The following ZNF324B variants were observed in gnomAD, a reference collection of about 807,000 sequenced individuals.
ZNF324B encodes the protein zinc finger protein 324B.
ZNF324B carries 7 observed loss-of-function variants against 10.6 expected under a neutral mutation model. The ratio of observed to expected loss-of-function variants is 0.66; its 90% CI spans 0.38 to 1.24. ZNF324B has a LOEUF of 1.24. Among genes scored for constraint, ZNF324B ranks in the 50% most tolerant of loss-of-function variants. The pLI is 0.02. For synonymous variants in ZNF324B, 316 were observed against 321.0 expected, an observed-to-expected ratio of 0.98 and a Z score of 0.17; for missense variants, 640 against 764.7, an observed-to-expected ratio of 0.84 and a Z score of 1.92.
At chr19:58,437,132 T>A in the ZNF324B span, 1 of 1,614,144 alleles carries the variant, frequency 6.2e-7, no homozygotes, top group African/African-American at 1.3e-5. Flanking sequence ...CCCACTCCTC[T>A]TGGGAGAAGT....
chr19:58,427,448 CT>C, the ZNF324B span, among the ~76,000 whole-genome samples: 282 of 64,198 alleles, frequency 4.4e-3, 7 homozygotes, highest in African/African-American at 9.9e-3. Context: ...CCTTCCTTTC[CT>C]TTCCCTTCCT....
upstream of ZNF324B, among the ~76,000 whole-genome samples, chr19:58,448,271 T>C (rs1221997846): frequency 6.6e-6 from 1 of 152,178 alleles, no homozygotes; most frequent in Non-Finnish European, 1.5e-5. Flanking sequence ...ATGCTGATAA[T>C]GATATGGGCA....
chr19:58,430,699 A>G, the ZNF324B span: 1 of 152,184 alleles, frequency 6.6e-6, no homozygotes, highest in African/African-American at 2.4e-5. Flanking sequence ...TTTTTTGGTT[A>G]TAGATAAGAA....
chr19:58,433,377 C>T, the ZNF324B span: 2 of 1,614,186 alleles, frequency 1.2e-6, no homozygotes, highest in South Asian at 1.1e-5. Context: ...TGAAGAGTTT[C>T]CCACACTGGC....
the ZNF324B span, among the ~76,000 whole-genome samples, chr19:58,446,284 C>T: frequency 2.0e-4 from 30 of 152,142 alleles, no homozygotes; most frequent in Admixed American, 4.6e-4. Flanking sequence ...GTACCATGAT[C>T]GCCCTGCATG....
At chr19:58,442,247 C>T in the ZNF324B span, 1 of 145,928 alleles carries the variant, frequency 6.9e-6, no homozygotes, top group African/African-American at 2.7e-5. Flanking sequence ...CGGCTCACTG[C>T]AAGCTCCGCT....
the ZNF324B span, chr19:58,435,441 G>T: frequency 2.0e-6 from 1 of 493,056 alleles, no homozygotes; most frequent in Non-Finnish European, 3.6e-6. Flanking sequence ...ACAGAAATGG[G>T]TCAAAGGACT....
chr19:58,421,658 C>T, the ZNF324B span, among the ~76,000 whole-genome samples: 8 of 152,030 alleles, frequency 5.3e-5, no homozygotes, highest in East Asian at 1.9e-4. Context: ...TGATTACAGG[C>T]GTGAGCCACC....
the ZNF324B span, among the ~76,000 whole-genome samples, chr19:58,425,117 G>A: frequency 4.6e-5 from 7 of 152,084 alleles, 1 homozygote; most frequent in Admixed American, 2.0e-4. Context: ...TCAGCCAGGC[G>A]TGGCGGTGCA....
chr19:58,424,433 T>C, the ZNF324B span, among the ~76,000 whole-genome samples: 1 of 152,308 alleles, frequency 6.6e-6, no homozygotes, highest in East Asian at 1.9e-4. Flanking sequence ...TCTGAACAAA[T>C]ATGCTTTGAA....
the ZNF324B span, chr19:58,429,700 G>A: frequency 6.6e-6 from 1 of 152,188 alleles, no homozygotes; most frequent in African/African-American, 2.4e-5. Flanking sequence ...GAAGACACCA[G>A]CTCAGATCTT....
At chr19:58,435,003 A>C in the ZNF324B span, 2 of 1,613,992 alleles carry the variant, frequency 1.2e-6, no homozygotes, top group South Asian at 2.2e-5. Flanking sequence ...AGTCTCTCCC[A>C]CATGCTCCAC....
intron 2 of ZNF324B, 103 bp from the exon 3 acceptor site, chr19:58,454,125 G>A (rs1449778115): frequency 3.8e-6 from 3 of 789,188 alleles, no homozygotes; most frequent in African/African-American, 3.4e-5. Flanking sequence ...TCTCCCAGTT[G>A]CACAGATTAC....
the ZNF324B span, chr19:58,434,633 T>A: frequency 6.2e-7 from 1 of 1,614,216 alleles, no homozygotes; most frequent in African/African-American, 1.3e-5. Context: ...TCTAAGAAAT[T>A]TCCACCTGTT....
the ZNF324B span, chr19:58,433,812 C>T: frequency 1.2e-6 from 2 of 1,614,140 alleles, no homozygotes; most frequent in African/African-American, 1.3e-5. Flanking sequence ...ACTCACTACA[C>T]TCGTAAGGCT....
chr19:58,440,066 A>G, the ZNF324B span: 7 of 525,110 alleles, frequency 1.3e-5, no homozygotes, highest in Non-Finnish European at 2.3e-5. Context: ...AGGCGCGGTG[A>G]CGGTCCCTGC....
the ZNF324B span, among the ~76,000 whole-genome samples, chr19:58,419,527 C>T: frequency 6.6e-6 from 1 of 152,212 alleles, no homozygotes; most frequent in African/African-American, 2.4e-5. Context: ...ACCAGAACTT[C>T]TCAGCAATTG....
upstream of ZNF324B, among the ~76,000 whole-genome samples, chr19:58,450,125 A>C (rs917100750): frequency 1.3e-5 from 2 of 152,132 alleles, no homozygotes; most frequent in African/African-American, 4.8e-5. Flanking sequence ...TGATGGTTTC[A>C]TAAGGGGTTT....
chr19:58,422,344 C>T, the ZNF324B span, among the ~76,000 whole-genome samples: 3 of 152,138 alleles, frequency 2.0e-5, no homozygotes, highest in African/African-American at 7.2e-5. Context: ...AGCTTTTTCT[C>T]TCAGAACTGG....
Sources: gnomAD v4.1 joint callset for allele counts (sites outside exome capture counted in the v4.1 genomes callset) on GRCh38, gnomAD v4.1.1 for gene constraint, MANE v1.5 for transcripts, NCBI Gene and HGNC (gene_info 2026-07-23, HGNC 2026-07-21) for gene names.